Variants in NRG1 observed in about 807,000 individuals in gnomAD.
NRG1 encodes neuregulin 1, also known as pro-neuregulin-1, membrane-bound isoform.
A neutral mutation model predicts 63.8 loss-of-function variants in NRG1; 18 were observed. The observed-to-expected ratio is 0.28, with a 90% CI of 0.19 to 0.42. NRG1 has a LOEUF of 0.42. Ranked by LOEUF, NRG1 falls within the 10% of genes least tolerant of loss-of-function variation. The pLI is 1.00. For missense variants in NRG1, 762 were observed against 814.7 expected, an observed-to-expected ratio of 0.94 and a Z score of 0.79; for synonymous variants, 302 against 301.3, an observed-to-expected ratio of 1.00 and a Z score of -0.02.
intron 1 of NRG1, among the ~76,000 whole-genome samples, chr8:32,484,165 G>C (rs1362777194): frequency 6.6e-6 from 1 of 151,968 alleles, no homozygotes; most frequent in African/African-American, 2.4e-5. Context: ...TTTGAGGTTT[G>C]GTTTAGGCAG....
At chr8:32,401,072 A>T (rs1020588551) in intron 1 of NRG1, among the ~76,000 whole-genome samples, 4 of 152,166 alleles carry the variant, frequency 2.6e-5, no homozygotes. Flanking sequence ...ATTCTCACTC[A>T]TAAGTGGGAA....
intron 1 of NRG1, among the ~76,000 whole-genome samples, chr8:31,869,348 G>A (rs16878393): frequency 0.12 from 18,454 of 152,054 alleles, 1,270 homozygotes; most frequent in Admixed American, 0.19. Context: ...CTGGTGGTGT[G>A]CATATATGAG....
At chr8:32,357,619 C>A (rs754690830) in intron 1 of NRG1, among the ~76,000 whole-genome samples, 23 of 152,280 alleles carry the variant, frequency 1.5e-4, no homozygotes, top group Middle Eastern at 6.8e-3. Flanking sequence ...CCTTCCTTCT[C>A]CTCCTCCTTT....
At chr8:32,749,516 T>A (rs1321478033) in intron 7 of NRG1, 2 of 1,609,112 alleles carry the variant, frequency 1.2e-6, no homozygotes, top group Non-Finnish European at 1.7e-6. Flanking sequence ...TTTCTGAAAC[T>A]TTTTCCCTTT....
intron 1 of NRG1, among the ~76,000 whole-genome samples, chr8:32,431,165 C>T (rs1818093755): frequency 6.6e-6 from 1 of 152,146 alleles, no homozygotes; most frequent in Admixed American, 6.6e-5. Context: ...GATTTAAGCC[C>T]AGATCTTTCT....
intron 1 of NRG1, among the ~76,000 whole-genome samples, chr8:32,193,186 G>A (rs1311642829): frequency 6.6e-6 from 1 of 152,160 alleles, no homozygotes; most frequent in African/African-American, 2.4e-5. Context: ...AGCCAGGGCT[G>A]GGGAGGATCC....
rs539678298 is a variant in NRG1 at position 32,009,170 on chromosome 8, A to T, written c.37+369739A>T. Among the ~76,000 whole-genome samples, 4 of 152,092 alleles carry T rather than the reference A, an allele frequency of 2.6e-5. No homozygotes were observed. The South Asian group carries it at 6.2e-4, about 24-fold the overall frequency. ...TGAGAAATTTGTGTTGTATAATATG[A>T]CCGTATATGATCCCAGTAGTTGTGT... On this transcript the variant is annotated intron_variant, in intron 1 of 10. Transcript: ENST00000519301.
intron 1 of NRG1, among the ~76,000 whole-genome samples, chr8:32,390,541 T>G (rs1041943647): frequency 2.0e-5 from 3 of 148,388 alleles, no homozygotes; most frequent in Non-Finnish European, 4.4e-5. Context: ...AGGTCAAGAC[T>G]TCAGTGAGCC....
chr8:31,833,610 G>T (rs1335284885), intron 1 of NRG1, among the ~76,000 whole-genome samples: 3 of 152,292 alleles, frequency 2.0e-5, no homozygotes, highest in Admixed American at 2.0e-4. Flanking sequence ...TAGAAGGAAA[G>T]AACTATTGTT....
At chr8:31,867,149 A>G (rs1048091323) in intron 1 of NRG1, among the ~76,000 whole-genome samples, 8 of 152,154 alleles carry the variant, frequency 5.3e-5, no homozygotes, top group Admixed American at 5.2e-4. Context: ...TTAATAAGAA[A>G]GATGTTTCCT....
chr8:32,525,940 T>C (rs951086497), intron 1 of NRG1, among the ~76,000 whole-genome samples: 3 of 152,232 alleles, frequency 2.0e-5, no homozygotes, highest in African/African-American at 7.2e-5. Context: ...CTCTTCTAGC[T>C]TTTCTTTTCT....
chr8:31,824,941 G>T (rs1245101438), intron 1 of NRG1, among the ~76,000 whole-genome samples: 1 of 152,126 alleles, frequency 6.6e-6, no homozygotes, highest in Admixed American at 6.5e-5. Context: ...CACATAACGG[G>T]AAAAGAAAAA....
chr8:32,402,369 C>A (rs1011195097), intron 1 of NRG1, among the ~76,000 whole-genome samples: 1 of 151,984 alleles, frequency 6.6e-6, no homozygotes, highest in Non-Finnish European at 1.5e-5. Context: ...TGATTCGTGG[C>A]TTTGATTTCT....
intron 1 of NRG1, among the ~76,000 whole-genome samples, chr8:32,116,442 T>G (rs1429489943): frequency 6.6e-6 from 1 of 152,136 alleles, no homozygotes; most frequent in African/African-American, 2.4e-5. Flanking sequence ...AACTCCCTCC[T>G]GGATGGAGCT....
chr8:31,707,604 TC>T (rs1300267091), intron 1 of NRG1, among the ~76,000 whole-genome samples: 1 of 152,184 alleles, frequency 6.6e-6, no homozygotes, highest in Non-Finnish European at 1.5e-5. Context: ...AAATTTATTC[TC>T]AAAATTATGA....
intron 5 of NRG1, among the ~76,000 whole-genome samples, chr8:32,725,839 G>A (rs1159273292): frequency 6.6e-6 from 1 of 151,890 alleles, no homozygotes; most frequent in Non-Finnish European, 1.5e-5. Context: ...ACCTAAATAA[G>A]TAGTTTTTTA....
rs1387711830 is a variant in NRG1 at position 31,640,110 on chromosome 8, G to A, written c.37+679G>A. The A allele has an allele frequency of 7.0e-6, 8 of 1,150,464 alleles. No individual in the cohort carries two copies. Among genetic ancestry groups the A allele is most frequent in the Non-Finnish European group, 8.5e-6 (8 of 937,362 alleles). The allele number at this position is 1,150,464 out of a possible 1,614,324, so 71.3% of individuals were successfully genotyped here. On this transcript the variant is annotated intron_variant, in intron 1 of 10. Transcript: ENST00000519301. This position sits in a 1 kb window ranked among gnomAD's most constrained non-coding sequence, Gnocchi z 6.3. Reference sequence around the variant, plus strand: ...CACTACTGCTGCTGCTGGGGACCGCGGCCCTGGCGCCGGGGGCGGCGGCCG... The same window carrying A: ...CACTACTGCTGCTGCTGGGGACCGCAGCCCTGGCGCCGGGGGCGGCGGCCG...
At chr8:32,535,457 A>T (rs1456767860) in intron 1 of NRG1, among the ~76,000 whole-genome samples, 1 of 152,228 alleles carries the variant, frequency 6.6e-6, no homozygotes, top group Admixed American at 6.5e-5. Flanking sequence ...TTGGCAGAGA[A>T]CAAATACCAA....
chr8:32,350,772 AATAAT>A (rs1429079071), intron 1 of NRG1, among the ~76,000 whole-genome samples: 4 of 152,090 alleles, frequency 2.6e-5, no homozygotes, highest in African/African-American at 9.7e-5. Flanking sequence ...AGGAATTATA[AATAAT>A]ATAAGATTGT....
Sources: gnomAD v4.1 joint callset for allele counts (sites outside exome capture counted in the v4.1 genomes callset) on GRCh38, gnomAD v4.1.1 for gene constraint, Gnocchi (gnomAD v3.1) non-coding constraint, MANE v1.5 for transcripts, NCBI Gene and HGNC (gene_info 2026-07-23, HGNC 2026-07-21) for gene names.